Variants in TMEM266 observed in about 807,000 individuals in gnomAD.
The protein encoded by TMEM266 is Hv1 related protein 1.
A neutral mutation model predicts 50.5 loss-of-function variants in TMEM266; 33 were observed. The ratio of observed to expected loss-of-function variants is 0.65; its 90% confidence interval spans 0.50 to 0.87. The LOEUF (loss-of-function observed/expected upper bound fraction) is 0.87. Among genes scored for constraint, TMEM266 ranks in the 40% least tolerant of loss-of-function variants. TMEM266 has a pLI of 0.00. For missense variants in TMEM266, 655 were observed against 695.1 expected (o/e 0.94, Z 0.65); for synonymous variants, 310 against 292.3 (o/e 1.06, Z -0.62).
chr15:76,202,412 G>C, intron 10 of TMEM266, 148 bp downstream of exon 10: 1 of 729,242 alleles, frequency 1.4e-6, no homozygotes, highest in Non-Finnish European at 2.2e-6. Flanking sequence ...AAATATCGGA[G>C]CTTCAGCTTC....
At chr15:76,155,691 C>A (rs2037914010) in intron 3 of TMEM266, among the ~76,000 whole-genome samples, 1 of 152,024 alleles carries the variant, frequency 6.6e-6, no homozygotes, top group Non-Finnish European at 1.5e-5. Flanking sequence ...TTCGTTGGAC[C>A]CAAATTTCCC....
At chr15:76,094,160 G>A (rs138594962) in intron 1 of TMEM266, among the ~76,000 whole-genome samples, 36 of 152,030 alleles carry the variant, frequency 2.4e-4, no homozygotes, top group Non-Finnish European at 2.1e-4. Context: ...TTGCCATTGC[G>A]TTTGGTGTTT....
At chr15:76,100,994 C>T (rs1333818504) in intron 1 of TMEM266, among the ~76,000 whole-genome samples, 3 of 151,878 alleles carry the variant, frequency 2.0e-5, no homozygotes, top group Non-Finnish European at 4.4e-5. Flanking sequence ...TCAATGCTTA[C>T]CTTGGTTTTT....
At chr15:76,141,546 A>C (rs1038351771) in intron 3 of TMEM266, among the ~76,000 whole-genome samples, 4 of 152,130 alleles carry the variant, frequency 2.6e-5, no homozygotes, top group Non-Finnish European at 5.9e-5. Context: ...GCCTCAGTGT[A>C]CTTTTTTAAA....
rs1156954600 is a variant in TMEM266 at position 76,204,091 on chromosome 15, T to C, written c.1372T>C (p.Leu458=). 11 of 1,612,684 alleles carry C rather than the reference T, an allele frequency of 6.8e-6. No homozygotes were observed. The highest frequency in any genetic ancestry group is 1.7e-5 in the Admixed American group (1 of 59,982). ...GGACCCCTGCCCTTCCCAGAAGGCCTTGGACCCAGCCCCCCTCGCCCGGCC... is the reference window on the plus strand; with the variant it reads ...GGACCCCTGCCCTTCCCAGAAGGCCCTGGACCCAGCCCCCCTCGCCCGGCC... The change falls in exon 11 of 11, where the codon TTG becomes CTG. Residue 458 remains leucine (L), a synonymous_variant. Coordinates refer to ENST00000388942, the MANE Select transcript of TMEM266 (RefSeq NM_152335.3).
At chr15:76,167,708 C>T (rs1330786601) in intron 5 of TMEM266, among the ~76,000 whole-genome samples, 1 of 151,944 alleles carries the variant, frequency 6.6e-6, no homozygotes, top group Admixed American at 6.6e-5. Flanking sequence ...CACCATTTGG[C>T]CAGGTTGGTC....
At chr15:76,123,398 C>T (rs904287) in intron 1 of TMEM266, among the ~76,000 whole-genome samples, 7,382 of 152,232 alleles carry the variant, frequency 0.048, 569 homozygotes, top group African/African-American at 0.16. Context: ...GTGGCTTCCC[C>T]CTAGGAGCAG....
intron 1 of TMEM266, among the ~76,000 whole-genome samples, chr15:76,079,564 C>T (rs966747209): frequency 1.3e-5 from 2 of 149,098 alleles, no homozygotes; most frequent in East Asian, 4.0e-4. Flanking sequence ...CTGAGGCGGG[C>T]AGATCACGAG....
At chr15:76,130,504 C>T (rs2037493802) in intron 1 of TMEM266, among the ~76,000 whole-genome samples, 1 of 152,248 alleles carries the variant, frequency 6.6e-6, no homozygotes, top group Non-Finnish European at 1.5e-5. Context: ...CGCGCCAGCG[C>T]ACTCCAGCCT....
Position 76,175,659 on chromosome 15 carries a change from C to A in TMEM266, c.753C>A (p.Ile251=). 1 of 1,614,024 alleles carries A rather than the reference C, an allele frequency of 6.2e-7. No individual in the cohort carries two copies. Among genetic ancestry groups the A allele is most frequent in the Non-Finnish European group, 8.5e-7 (1 of 1,179,902 alleles). ...AGCAGCTGGAGAGGCTGACGCAGAT[C>A]TGTCAGGAGCAAGGGGTAATGCACT... ...TQICQEQGFE[I]RQLRAHLAQQ... is the part of the protein sequence containing the mutation. The change falls in exon 8 of 11, where the codon ATC becomes ATA. Residue 251 remains isoleucine, a synonymous_variant. Coordinates refer to ENST00000388942, the MANE Select transcript of TMEM266 (RefSeq NM_152335.3).
At chr15:76,178,776 T>C (rs2038343154) in intron 8 of TMEM266, 4 of 152,196 alleles carry the variant, frequency 2.6e-5, no homozygotes, top group African/African-American at 7.2e-5. Context: ...TCCCTCTAGG[T>C]AGCGACATCT....
At chr15:76,065,347 C>T (rs573298279) in intron 1 of TMEM266, among the ~76,000 whole-genome samples, 17 of 152,240 alleles carry the variant, frequency 1.1e-4, no homozygotes, top group African/African-American at 3.4e-4. Context: ...TAAAGGTCAC[C>T]GGTGATTGCC....
At chr15:76,063,406 C>G (rs1162444920) in intron 1 of TMEM266, among the ~76,000 whole-genome samples, 2 of 152,192 alleles carry the variant, frequency 1.3e-5, no homozygotes, top group Non-Finnish European at 2.9e-5. Context: ...CTCTGGCCTC[C>G]CATCCTATTC....
intron 3 of TMEM266, among the ~76,000 whole-genome samples, chr15:76,143,364 G>A (rs369793216): frequency 3.3e-4 from 50 of 152,088 alleles, no homozygotes; most frequent in African/African-American, 1.1e-3. Context: ...CTTCAGCCTC[G>A]TCCACACCAT....
At position 76,092,302 on chromosome 15, in the gene TMEM266, G is replaced by T. The variant is rs182762477; in HGVS notation, c.-97+32286G>T. 3.1e-3 allele frequency among the ~76,000 whole-genome samples: 478 copies of T among 152,148 alleles called. 5 individuals are homozygous for T. Among genetic ancestry groups the T allele is most frequent in the African/African-American group, 0.011 (453 of 41,538 alleles). ...AATTTCCCAAAGCATGCTAAACTTTGTATAGTTTCAGAACAGAACACAAAT... is the reference window on the plus strand; with the variant it reads ...AATTTCCCAAAGCATGCTAAACTTTTTATAGTTTCAGAACAGAACACAAAT... On this transcript the variant is annotated intron_variant, in intron 1 of 10. Transcript: ENST00000388942.
intron 3 of TMEM266, among the ~76,000 whole-genome samples, chr15:76,150,934 T>C (rs1400666354): frequency 1.3e-5 from 2 of 152,208 alleles, no homozygotes; most frequent in Non-Finnish European, 2.9e-5. Context: ...GCAGTGAAGG[T>C]ACTCAGCCTC....
chr15:76,172,022 G>T (rs1304636041), intron 7 of TMEM266, among the ~76,000 whole-genome samples: 1 of 152,152 alleles, frequency 6.6e-6, no homozygotes, highest in African/African-American at 2.4e-5. Flanking sequence ...GGGTGTCCTT[G>T]GTCCCTGAGG....
At chr15:76,084,631 T>C (rs149728167) in intron 1 of TMEM266, among the ~76,000 whole-genome samples, 63 of 151,966 alleles carry the variant, frequency 4.1e-4, no homozygotes, top group African/African-American at 1.3e-3. Context: ...GACAGAGTCT[T>C]GCTGTGTTGC....
chr15:76,148,498 G>T (rs1341317122), intron 3 of TMEM266, among the ~76,000 whole-genome samples: 1 of 152,162 alleles, frequency 6.6e-6, no homozygotes, highest in East Asian at 1.9e-4. Context: ...GGACTTTACA[G>T]GCACTTCATC....
Sources: gnomAD v4.1 joint callset for allele counts (sites outside exome capture counted in the v4.1 genomes callset) on GRCh38, gnomAD v4.1.1 for gene constraint, MANE v1.5 for transcripts, NCBI Gene and HGNC (gene_info 2026-07-23, HGNC 2026-07-21) for gene names.